Variants in SLIT3 observed in about 807,000 individuals in gnomAD.
The protein encoded by SLIT3 is slit homolog 3 protein.
A neutral mutation model predicts 184.0 loss-of-function variants in SLIT3; 68 were observed. The observed-to-expected ratio is 0.37, with a 90% CI of 0.30 to 0.45. The LOEUF (loss-of-function observed/expected upper bound fraction) is 0.45, where lower values mean the gene tolerates loss of function less well. Ranked by LOEUF, SLIT3 falls within the 20% of genes least tolerant of loss-of-function variation. SLIT3 has a pLI of 1.00. For missense variants in SLIT3, 1,707 were observed against 2,026.0 expected, an observed-to-expected ratio of 0.84 and a Z score of 3.02; for synonymous variants, 831 against 828.6, an observed-to-expected ratio of 1.00 and a Z score of -0.05.
intron 3 of SLIT3, among the ~76,000 whole-genome samples, chr5:169,240,429 A>T (rs1338467437): frequency 6.6e-6 from 1 of 151,756 alleles, no homozygotes; most frequent in Non-Finnish European, 1.5e-5. Flanking sequence ...AGACACATAC[A>T]AATACAGATT....
rs117590356 is a variant in SLIT3, at chr5:169,088,455, T to C, written c.413+105024A>G. The stretch of plus-strand genomic sequence containing the variant: ...ACAATAACAATGACAACAAAAACAA[T>C]TGGCATAAGAATAGCAAACCCAAAG... On this transcript the variant is annotated intron_variant, in intron 4 of 35. Coordinates refer to ENST00000519560, the MANE Select transcript of SLIT3 (RefSeq NM_003062.4). 4.0e-3 allele frequency among the ~76,000 whole-genome samples: 600 copies of C among 151,318 alleles called. 12 individuals carry two copies. The East Asian group carries it at 0.061, about 15-fold the overall frequency.
intron 4 of SLIT3, among the ~76,000 whole-genome samples, chr5:169,125,424 A>T (rs1221092558): frequency 2.6e-5 from 4 of 152,246 alleles, no homozygotes; most frequent in Admixed American, 2.6e-4. Flanking sequence ...AAAGCAAAGG[A>T]ATCACCAAGT....
chr5:168,936,451 T>C (rs1351147035), intron 4 of SLIT3, among the ~76,000 whole-genome samples: 1 of 152,174 alleles, frequency 6.6e-6, no homozygotes, highest in African/African-American at 2.4e-5. Context: ...GTCAGTCTTG[T>C]CTCGAACTCC....
rs116647122 is a variant in SLIT3, at chr5:168,889,144, T to C, written c.414-5808A>G. Among the ~76,000 whole-genome samples the C allele has an allele frequency of 9.5e-3, 1,445 of 152,272 alleles. 15 individuals carry two copies. Among genetic ancestry groups the C allele is most frequent in the South Asian group, 0.041 (198 of 4,826 alleles). Reference sequence around the variant, plus strand: ...TTTTATACAGCAGGAGGGACAAACATGCAGGAAAAATTATCCCCTGGGGAT... The same window carrying C: ...TTTTATACAGCAGGAGGGACAAACACGCAGGAAAAATTATCCCCTGGGGAT... On this transcript the variant is annotated intron_variant, in intron 4 of 35. Transcript: ENST00000519560.
At chr5:169,101,943 T>G (rs1760035119) in intron 4 of SLIT3, among the ~76,000 whole-genome samples, 1 of 152,166 alleles carries the variant, frequency 6.6e-6, no homozygotes, top group South Asian at 2.1e-4. Flanking sequence ...CTGGATAACC[T>G]CAGAGATCCT....
At chr5:169,284,359 A>G (rs1055407311) in intron 1 of SLIT3, among the ~76,000 whole-genome samples, 1 of 152,210 alleles carries the variant, frequency 6.6e-6, no homozygotes, top group Non-Finnish European at 1.5e-5. Flanking sequence ...CCATGAGGGT[A>G]TCTTCCCAGA....
intron 29 of SLIT3, among the ~76,000 whole-genome samples, chr5:168,688,627 G>A (rs527296354): frequency 2.0e-5 from 3 of 152,294 alleles, no homozygotes; most frequent in East Asian, 1.9e-4. Flanking sequence ...ATTGAAATCC[G>A]CTAAGATCTG....
chr5:168,951,501 A>G (rs1312054771), intron 4 of SLIT3, among the ~76,000 whole-genome samples: 12 of 152,178 alleles, frequency 7.9e-5, no homozygotes, highest in Admixed American at 7.9e-4. Context: ...TTTTCTTTCA[A>G]ATGGTCAAAG....
chr5:168,951,757 C>A (rs1762657400), intron 4 of SLIT3, among the ~76,000 whole-genome samples: 1 of 152,184 alleles, frequency 6.6e-6, no homozygotes, highest in South Asian at 2.1e-4. Context: ...TCCTGCTGAC[C>A]AAAGCCTGAT....
intron 5 of SLIT3, among the ~76,000 whole-genome samples, chr5:168,852,501 A>G (rs1758715721): frequency 6.6e-6 from 1 of 152,226 alleles, no homozygotes; most frequent in South Asian, 2.1e-4. Flanking sequence ...ATTCAAATAC[A>G]AGATGGCAAA....
intron 4 of SLIT3, among the ~76,000 whole-genome samples, chr5:169,110,508 C>T (rs377207479): frequency 2.6e-5 from 4 of 152,168 alleles, no homozygotes; most frequent in Admixed American, 1.3e-4. Flanking sequence ...AAGGCATTCT[C>T]TCTGTACCCT....
At chr5:169,203,527 T>C (rs1262273028) in intron 3 of SLIT3, among the ~76,000 whole-genome samples, 2 of 152,172 alleles carry the variant, frequency 1.3e-5, no homozygotes, top group East Asian at 1.9e-4. Flanking sequence ...CATCTCACAA[T>C]GCGGCCAAGA....
intron 3 of SLIT3, among the ~76,000 whole-genome samples, chr5:169,214,409 G>T (rs1764367581): frequency 6.6e-6 from 1 of 152,142 alleles, no homozygotes; most frequent in Non-Finnish European, 1.5e-5. Context: ...GAGAAAAGAG[G>T]CAGAGGAAAA....
At chr5:169,197,169 A>G (rs1232700113) in intron 3 of SLIT3, among the ~76,000 whole-genome samples, 1 of 152,186 alleles carries the variant, frequency 6.6e-6, no homozygotes, top group East Asian at 1.9e-4. Context: ...ATAAAAATAT[A>G]ACTAAATTTA....
intron 5 of SLIT3, among the ~76,000 whole-genome samples, chr5:168,872,414 T>C (rs964678136): frequency 1.3e-5 from 2 of 152,040 alleles, no homozygotes; most frequent in African/African-American, 4.8e-5. Context: ...TAGTAATGTA[T>C]CAATATTGGC....
intron 4 of SLIT3, among the ~76,000 whole-genome samples, chr5:169,121,402 C>G (rs916204263): frequency 6.6e-6 from 1 of 152,192 alleles, no homozygotes; most frequent in Non-Finnish European, 1.5e-5. Flanking sequence ...AGAACCCGCC[C>G]CTGCAACCAG....
At chr5:168,848,462 A>AT (rs1390590245) in intron 5 of SLIT3, among the ~76,000 whole-genome samples, 1 of 152,104 alleles carries the variant, frequency 6.6e-6, no homozygotes, top group East Asian at 1.9e-4. Context: ...AAGGCTGGCT[A>AT]TTTTTTTGGA....
At chr5:168,760,271 C>A (rs555498199) in intron 16 of SLIT3, among the ~76,000 whole-genome samples, 1 of 152,142 alleles carries the variant, frequency 6.6e-6, no homozygotes, top group Non-Finnish European at 1.5e-5. Flanking sequence ...TAGGTCTGAG[C>A]TCCTGTGCAG....
chr5:169,049,203 T>C (rs1398434654), intron 4 of SLIT3, among the ~76,000 whole-genome samples: 2 of 152,140 alleles, frequency 1.3e-5, no homozygotes, highest in African/African-American at 4.8e-5. Context: ...ATACAAAAAG[T>C]ATAAAGTTAA....
Sources: allele counts gnomAD v4.1 joint callset (sites outside exome capture counted in the v4.1 genomes callset), GRCh38; gene constraint gnomAD v4.1.1; transcripts MANE v1.5; gene names NCBI Gene and HGNC (gene_info 2026-07-23, HGNC 2026-07-21).